BNC2: variants seen among roughly 807,000 people sequenced by gnomAD.
The protein encoded by BNC2 is basonuclin zinc finger protein 2, also known as zinc finger protein basonuclin-2.
A neutral mutation model predicts 76.3 loss-of-function variants in BNC2; 20 were observed. That is an observed-to-expected ratio of 0.26 (90% confidence interval 0.18 to 0.38). BNC2 has a LOEUF of 0.38. Among genes scored for constraint, BNC2 ranks in the 10% least tolerant of loss-of-function variants. The pLI is 1.00. For synonymous variants in BNC2, 582 were observed against 514.8 expected, an observed-to-expected ratio of 1.13 and a Z score of -1.77; for missense variants, 1,382 against 1,399.8, an observed-to-expected ratio of 0.99 and a Z score of 0.20.
chr9:16,735,278 A>T (rs1203200602), intron 2 of BNC2, among the ~76,000 whole-genome samples: 1 of 152,132 alleles, frequency 6.6e-6, no homozygotes, highest in African/African-American at 2.4e-5. Flanking sequence ...AAGTGACTTT[A>T]TTAATCTTCT....
Position 16,659,351 on chromosome 9 carries a change from C to CCT in BNC2, c.330+68445_330+68446insAG, listed in dbSNP as rs939171429. On this transcript the variant is annotated intron_variant, in intron 3 of 6. Transcript: ENST00000380672. Reference sequence around the variant, plus strand: ...CTTGCGGCGGGCACAGTGGCTCACGCGTAATCACAGCACTTTGGGGGGCCG... The same window carrying CCT: ...CTTGCGGCGGGCACAGTGGCTCACGCCTGTAATCACAGCACTTTGGGGGGCCG... Among the ~76,000 whole-genome samples the CCT allele has an allele frequency of 3.2e-4, 49 of 152,110 alleles. 1 individual carries two copies. Among genetic ancestry groups the CCT allele is most frequent in the South Asian group, 1.2e-3 (6 of 4,808 alleles).
At chr9:16,708,511 C>A (rs189354673) in intron 3 of BNC2, among the ~76,000 whole-genome samples, 1 of 151,946 alleles carries the variant, frequency 6.6e-6, no homozygotes, top group Non-Finnish European at 1.5e-5. Context: ...AGACACCAAC[C>A]CTGAGTGAGG....
At chr9:16,773,516 A>G (rs941159114) in intron 1 of BNC2, among the ~76,000 whole-genome samples, 132 of 149,690 alleles carry the variant, frequency 8.8e-4, no homozygotes, top group Non-Finnish European at 1.4e-3. Flanking sequence ...CAATCAGAAA[A>G]AAAAAAAAAA....
chr9:16,843,802 G>A (rs1403562169), intron 1 of BNC2, among the ~76,000 whole-genome samples: 2 of 152,172 alleles, frequency 1.3e-5, no homozygotes, highest in African/African-American at 2.4e-5. Flanking sequence ...ACTCCCAATT[G>A]AATAGTATTT....
chr9:16,588,643 A>G (rs1413322063), intron 3 of BNC2, among the ~76,000 whole-genome samples: 1 of 152,220 alleles, frequency 6.6e-6, no homozygotes, highest in Non-Finnish European at 1.5e-5. Flanking sequence ...TAGTAAAAAA[A>G]CTAATCAATG....
chr9:16,869,524 G>T (rs761536714), intron 1 of BNC2, among the ~76,000 whole-genome samples: 16 of 152,130 alleles, frequency 1.1e-4, no homozygotes, highest in Non-Finnish European at 2.1e-4. Context: ...GAGCAGGGAA[G>T]AGGAAAAAAT....
chr9:16,587,229 A>G (rs1319912277), intron 3 of BNC2, among the ~76,000 whole-genome samples: 1 of 142,174 alleles, frequency 7.0e-6, no homozygotes, highest in South Asian at 2.2e-4. Context: ...TCTGTTTTTC[A>G]AAGAGACAGA....
At chr9:16,651,625 C>A (rs932680902) in intron 3 of BNC2, among the ~76,000 whole-genome samples, 9 of 152,020 alleles carry the variant, frequency 5.9e-5, no homozygotes, top group Non-Finnish European at 1.0e-4. Flanking sequence ...ATACAGCTTG[C>A]GATGCTATAA....
At chr9:16,444,401 C>T (rs1035835975) in intron 5 of BNC2, among the ~76,000 whole-genome samples, 6 of 152,122 alleles carry the variant, frequency 3.9e-5, no homozygotes, top group African/African-American at 1.2e-4. Flanking sequence ...CACACACCTT[C>T]GCAGACACTC....
intron 1 of BNC2, among the ~76,000 whole-genome samples, chr9:16,843,005 T>C (rs2136103193): frequency 6.6e-6 from 1 of 152,290 alleles, no homozygotes; most frequent in South Asian, 2.1e-4. Flanking sequence ...CCTGAACTTA[T>C]TTCAAAATTC....
At chr9:16,672,282 G>T (rs1186332354) in intron 3 of BNC2, among the ~76,000 whole-genome samples, 1 of 152,192 alleles carries the variant, frequency 6.6e-6, no homozygotes, top group Non-Finnish European at 1.5e-5. Context: ...CGGATCACGA[G>T]GTCAGGAGAT....
chr9:16,634,153 A>G (rs867044525), intron 3 of BNC2, among the ~76,000 whole-genome samples: 2 of 152,168 alleles, frequency 1.3e-5, no homozygotes, highest in African/African-American at 4.8e-5. Flanking sequence ...ATATTCCCCA[A>G]TTGCAATTTG....
At chr9:16,865,783 C>A (rs1237179793) in intron 1 of BNC2, among the ~76,000 whole-genome samples, 1 of 152,128 alleles carries the variant, frequency 6.6e-6, no homozygotes, top group Non-Finnish European at 1.5e-5. Flanking sequence ...TAATATCATT[C>A]TTACGCATAT....
intron 5 of BNC2, among the ~76,000 whole-genome samples, chr9:16,531,345 C>G (rs566393518): frequency 6.6e-6 from 1 of 150,430 alleles, no homozygotes; most frequent in African/African-American, 2.5e-5. Context: ...AAGAAAGCGG[C>G]GACAAGATGC....
intron 6 of BNC2, among the ~76,000 whole-genome samples, chr9:16,425,278 GCA>G (rs1162619702): frequency 2.6e-5 from 4 of 152,136 alleles, no homozygotes; most frequent in African/African-American, 4.8e-5. Flanking sequence ...CTAATTTACT[GCA>G]CAGATACGGC....
At chr9:16,856,277 T>TCA (rs5896710) in intron 1 of BNC2, among the ~76,000 whole-genome samples, 1,568 of 148,204 alleles carry the variant, frequency 0.011, 13 homozygotes, top group African/African-American at 0.025. Flanking sequence ...TCTCTCTCTC[T>TCA]CACACACACA....
chr9:16,620,304 G>A (rs958570808), intron 3 of BNC2, among the ~76,000 whole-genome samples: 54 of 152,284 alleles, frequency 3.5e-4, no homozygotes, highest in African/African-American at 1.1e-3. Flanking sequence ...AAAACTGGCA[G>A]CAGCAAAGAA....
At chr9:16,855,698 C>T (rs1350537215) in intron 1 of BNC2, among the ~76,000 whole-genome samples, 5 of 151,782 alleles carry the variant, frequency 3.3e-5, no homozygotes, top group African/African-American at 7.3e-5. Flanking sequence ...CGACCACGCC[C>T]GGCTGATTTC....
At chr9:16,585,178 C>T (rs532656681) in intron 3 of BNC2, among the ~76,000 whole-genome samples, 79 of 152,068 alleles carry the variant, frequency 5.2e-4, no homozygotes, top group African/African-American at 1.8e-3. Context: ...ATATTTAAGA[C>T]GAGAACAAAT....
Sources: allele counts gnomAD v4.1 joint callset (sites outside exome capture counted in the v4.1 genomes callset), GRCh38; gene constraint gnomAD v4.1.1; transcripts MANE v1.5; gene names NCBI Gene and HGNC (gene_info 2026-07-23, HGNC 2026-07-21).